EIF3J: variants seen among roughly 807,000 people sequenced by gnomAD.
EIF3J encodes the protein eukaryotic translation initiation factor 3, subunit 1 (alpha, 35kD).
EIF3J carries 15 observed loss-of-function variants against 39.0 expected under a neutral mutation model. The observed-to-expected ratio is 0.38, with a 90% CI of 0.26 to 0.59. The LOEUF (loss-of-function observed/expected upper bound fraction) is 0.59. EIF3J is among the 20% of genes least tolerant of loss of function. The pLI is 0.60. For missense variants in EIF3J, 226 were observed against 308.6 expected (o/e 0.73, Z 2.00); for synonymous variants, 98 against 112.9 (o/e 0.87, Z 0.84).
chr15:44,549,192 G>C (rs1476841133), intron 2 of EIF3J, among the ~76,000 whole-genome samples: 1 of 151,948 alleles, frequency 6.6e-6, no homozygotes, highest in Non-Finnish European at 1.5e-5. Context: ...TTGGGAGTTC[G>C]AGATCAGCCT....
intron 5 of EIF3J, among the ~76,000 whole-genome samples, chr15:44,555,729 A>G (rs572524415): frequency 1.3e-5 from 2 of 152,382 alleles, no homozygotes; most frequent in Admixed American, 1.3e-4. Context: ...ATGCATTCAT[A>G]TAGTCATTGT....
At chr15:44,557,928 C>T in intron 6 of EIF3J, 1 of 204,918 alleles carries the variant, frequency 4.9e-6, no homozygotes, top group East Asian at 1.0e-4. Flanking sequence ...AAACACTGGC[C>T]TATTCTTTTT....
At position 44,537,191 on chromosome 15, in the gene EIF3J, C is replaced by G. The variant is rs1411294799; in HGVS notation, c.-4C>G. 2 of 1,606,682 alleles carry G rather than the reference C, an allele frequency of 1.2e-6. No homozygotes were observed. The highest frequency in any genetic ancestry group is 2.2e-5 in the East Asian group (1 of 44,738). On this transcript the variant is annotated 5_prime_UTR_variant, in exon 1 of 8. Transcript: ENST00000261868. Reference sequence around the variant, plus strand: ...CTCTCACACACGCTCACACCCGGCTCGAGATGGCGGCGGCGGCGGCGGCGG... The same window carrying G: ...CTCTCACACACGCTCACACCCGGCTGGAGATGGCGGCGGCGGCGGCGGCGG...
rs1433797171 is a variant in EIF3J, at chr15:44,561,015, T to C, written c.646-3T>C. 5.6e-6 allele frequency: 9 copies of C among 1,612,910 alleles called. No homozygotes were observed. The Admixed American group carries it at 8.3e-5, about 15-fold the overall frequency. ...TCATGAATTAACTCTCTTTCATCTT[T>C]AGCAAAGCAAAGCCAAAAAGAAGAA... is the stretch of plus-strand genomic sequence containing the variant. On this transcript the variant is annotated splice_polypyrimidine_tract_variant and splice_region_variant and intron_variant, in intron 7 of 7. Transcript: ENST00000261868.
At chr15:44,554,841 ATAAT>A (rs2140900368) in intron 5 of EIF3J, among the ~76,000 whole-genome samples, 174 bp downstream of exon 5, 1 of 152,344 alleles carries the variant, frequency 6.6e-6, no homozygotes, top group South Asian at 2.1e-4. Context: ...AGATTTTTGA[ATAAT>A]TGTTTTGAGT....
chr15:44,547,470 G>A (rs1383553299), intron 2 of EIF3J, among the ~76,000 whole-genome samples: 4 of 118,016 alleles, frequency 3.4e-5, no homozygotes, highest in African/African-American at 1.0e-4. Flanking sequence ...TTTTTGAGAC[G>A]AAGTCTCGCC....
chr15:44,549,854 G>T (rs1007326887), intron 2 of EIF3J, among the ~76,000 whole-genome samples: 1 of 151,698 alleles, frequency 6.6e-6, no homozygotes, highest in Non-Finnish European at 1.5e-5. Flanking sequence ...TAGTTACTGG[G>T]GAGGCTGAGG....
At position 44,559,726 on chromosome 15, in the gene EIF3J, A is replaced by G. The variant is rs555248449; in HGVS notation, c.572-523A>G. Among the ~76,000 whole-genome samples the G allele has an allele frequency of 1.1e-4, 17 of 151,508 alleles. 1 individual carries two copies. Among genetic ancestry groups the G allele is most frequent in the African/African-American group, 3.9e-4 (16 of 41,218 alleles). Reference sequence around the variant, plus strand: ...CATCTCAAAAAAAAAAAAAAATAATAGTAATTGTCATTTCATGTTTATTTG... The same window carrying G: ...CATCTCAAAAAAAAAAAAAAATAATGGTAATTGTCATTTCATGTTTATTTG... On this transcript the variant is annotated intron_variant, in intron 6 of 7. Coordinates refer to ENST00000261868, the MANE Select transcript of EIF3J (RefSeq NM_003758.4).
chr15:44,558,553 C>T (rs2082163992), intron 6 of EIF3J, among the ~76,000 whole-genome samples: 1 of 152,028 alleles, frequency 6.6e-6, no homozygotes, highest in South Asian at 2.1e-4. Flanking sequence ...AATTCTCCTG[C>T]TCAGACTCCT....
chr15:44,555,772 A>AAATACT (rs2082139433), intron 5 of EIF3J, among the ~76,000 whole-genome samples: 1 of 152,254 alleles, frequency 6.6e-6, no homozygotes. Flanking sequence ...TTCTCATACT[A>AAATACT]AAATACCACA....
rs754458148 is a variant in EIF3J at position 44,537,204 on chromosome 15, G to T, written c.10G>T (p.Ala4Ser). The change falls in exon 1 of 8, where the codon GCG (alanine) becomes TCG (serine). Residue 4 changes from alanine (A) to serine (S), a missense_variant. Coordinates refer to ENST00000261868, the MANE Select transcript of EIF3J (RefSeq NM_003758.4). Reference protein sequence around the residue: MAAAAAAAGDSDSW... With the variant: MAASAAAAGDSDSW... Reference sequence around the variant, plus strand: ...TCACACCCGGCTCGAGATGGCGGCGGCGGCGGCGGCGGCGGGGGACTCGGA... The same window carrying T: ...TCACACCCGGCTCGAGATGGCGGCGTCGGCGGCGGCGGCGGGGGACTCGGA... The T allele has an allele frequency of 3.7e-6, 6 of 1,605,038 alleles. No individual in the cohort carries two copies. The Admixed American group carries it at 8.4e-5, about 23-fold the overall frequency.
Position 44,550,781 on chromosome 15 carries a change from C to T in EIF3J, c.148-95C>T, listed in dbSNP as rs993718668. 7 of 871,020 alleles carry T rather than the reference C, an allele frequency of 8.0e-6. No individual in the cohort carries two copies. The Admixed American group carries it at 9.0e-5, about 11-fold the overall frequency. The allele number at this position is 871,020 out of a possible 1,614,324, so 54.0% of individuals were successfully genotyped here. The stretch of plus-strand genomic sequence containing the variant: ...AATTTAATGCAGTACAAAAAAATAC[C>T]AACAAACATTTCTCTGGAGTTAGTC... On this transcript the variant is annotated intron_variant, in intron 2 of 7. Transcript: ENST00000261868.
chr15:44,553,549 T>C (rs2082119090), intron 4 of EIF3J, among the ~76,000 whole-genome samples: 2 of 152,018 alleles, frequency 1.3e-5, no homozygotes, highest in African/African-American at 2.4e-5. Context: ...AGATATACAC[T>C]AAGCTGTCAA....
intron 2 of EIF3J, among the ~76,000 whole-genome samples, chr15:44,538,289 GT>G (rs10713864): frequency 0.05 from 6,930 of 139,992 alleles, 151 homozygotes; most frequent in East Asian, 0.096. Flanking sequence ...CTTCTACATG[GT>G]TTTTTTTTTT....
Position 44,539,562 on chromosome 15 carries a change from G to A in EIF3J, c.147+2135G>A, listed in dbSNP as rs148988996. Among the ~76,000 whole-genome samples, 129 of 150,414 alleles carry A rather than the reference G, an allele frequency of 8.6e-4. 3 individuals carry two copies. In the East Asian group the frequency reaches 0.021, roughly 24 times the overall value. On this transcript the variant is annotated intron_variant, in intron 2 of 7. Coordinates refer to ENST00000261868, the MANE Select transcript of EIF3J (RefSeq NM_003758.4). The stretch of plus-strand genomic sequence containing the variant: ...ACTACAGGTGCCCACCACCACGCCC[G>A]GCTAATTTTTTCTATTTTTAGTAGA...
chr15:44,540,832 C>T (rs1293803154), intron 2 of EIF3J, among the ~76,000 whole-genome samples: 1 of 152,220 alleles, frequency 6.6e-6, no homozygotes, highest in Non-Finnish European at 1.5e-5. Flanking sequence ...CTGTTCATGT[C>T]AGCATCTAGT....
chr15:44,558,468 G>A (rs748440375), intron 6 of EIF3J, among the ~76,000 whole-genome samples: 6 of 151,898 alleles, frequency 4.0e-5, no homozygotes, highest in Non-Finnish European at 8.8e-5. Context: ...GGCAAAGCTT[G>A]CAGTGAGCTG....
chr15:44,539,750 T>A (rs1008833555), intron 2 of EIF3J, among the ~76,000 whole-genome samples: 26 of 147,022 alleles, frequency 1.8e-4, no homozygotes, highest in African/African-American at 5.8e-4. Context: ...TTTTTTTTTT[T>A]AACTTAAAGC....
rs1173509694 is a variant in EIF3J at position 44,553,218 on chromosome 15, C to T, written c.295-1335C>T. The stretch of plus-strand genomic sequence containing the variant: ...AAAAAAAAAGAAGAAAACGGCCAGG[C>T]GTGGTGGCTCACGCCTGTAATCCTG... On this transcript the variant is annotated intron_variant, in intron 4 of 7. Coordinates refer to ENST00000261868, the MANE Select transcript of EIF3J (RefSeq NM_003758.4). Among the ~76,000 whole-genome samples the T allele has an allele frequency of 2.0e-5, 3 of 151,760 alleles. No individual in the cohort carries two copies. In the East Asian group the frequency reaches 5.8e-4, roughly 30 times the overall value.
Sources: gnomAD v4.1 joint callset for allele counts (sites outside exome capture counted in the v4.1 genomes callset) on GRCh38, gnomAD v4.1.1 for gene constraint, MANE v1.5 for transcripts, NCBI Gene and HGNC (gene_info 2026-07-23, HGNC 2026-07-21) for gene names.